The following FHIT variants were observed in gnomAD, a reference collection of about 807,000 sequenced individuals.
FHIT encodes bis(5'-adenosyl)-triphosphatase.
A neutral mutation model predicts 17.9 loss-of-function variants in FHIT; 19 were observed. That is an observed-to-expected ratio of 1.06 (90% CI 0.74 to 1.56). The LOEUF is 1.56. FHIT is among the 40% of genes most tolerant of loss of function. FHIT has a pLI of 0.00. For synonymous variants in FHIT, 81 were observed against 69.7 expected (o/e 1.16, Z -0.81); for missense variants, 248 against 189.2 (o/e 1.31, Z -1.82).
At chr3:59,793,993 C>T (rs898755026) in intron 8 of FHIT, among the ~76,000 whole-genome samples, 2 of 152,000 alleles carry the variant, frequency 1.3e-5, no homozygotes, top group South Asian at 2.1e-4. Flanking sequence ...CCATGGGACA[C>T]GGCGTGAGAA....
intron 4 of FHIT, among the ~76,000 whole-genome samples, chr3:60,596,963 A>G (rs1553666787): frequency 6.6e-6 from 1 of 152,178 alleles, no homozygotes; most frequent in African/African-American, 2.4e-5. Context: ...TATCTAGATG[A>G]CACCAAAACT....
intron 7 of FHIT, among the ~76,000 whole-genome samples, chr3:59,986,516 TA>T (rs1708915996): frequency 4.0e-5 from 1 of 24,864 alleles, no homozygotes; most frequent in African/African-American, 1.6e-4. Flanking sequence ...TATATATATA[TA>T]TATATATATA....
chr3:61,215,764 C>G (rs900391617), intron 1 of FHIT, among the ~76,000 whole-genome samples: 2 of 152,154 alleles, frequency 1.3e-5, no homozygotes, highest in African/African-American at 4.8e-5. Flanking sequence ...GCTACAGTAA[C>G]CAAAACAGCA....
intron 5 of FHIT, among the ~76,000 whole-genome samples, chr3:60,261,866 A>C (rs183624229): frequency 5.9e-5 from 9 of 152,076 alleles, no homozygotes; most frequent in African/African-American, 2.2e-4. Context: ...ACCTGGAGAA[A>C]AGGAACATCT....
intron 3 of FHIT, among the ~76,000 whole-genome samples, chr3:60,967,821 C>T (rs1709820011): frequency 6.6e-6 from 1 of 152,092 alleles, no homozygotes; most frequent in African/African-American, 2.4e-5. Context: ...ATCAGACTGG[C>T]CCACGGTATA....
chr3:60,286,577 C>A (rs1201946689), intron 5 of FHIT, among the ~76,000 whole-genome samples: 1 of 152,146 alleles, frequency 6.6e-6, no homozygotes, highest in Admixed American at 6.5e-5. Flanking sequence ...CAAGTTTAAA[C>A]ATTTTTTATC....
chr3:60,676,021 C>T (rs186513117), intron 4 of FHIT, among the ~76,000 whole-genome samples: 289 of 152,278 alleles, frequency 1.9e-3, no homozygotes, highest in Admixed American at 3.2e-3. Context: ...CTGCAACTTA[C>T]GTATATCAAT....
Position 59,747,625 on chromosome 3 carries a change from T to C in FHIT, c.*1960A>G, listed in dbSNP as rs1700679589. 6.6e-6 allele frequency among the ~76,000 whole-genome samples: 1 copy of C among 152,138 alleles called. No individual in the cohort carries two copies. The highest frequency in any genetic ancestry group is 2.4e-5 in the African/African-American group (1 of 41,434). ...AGTCTTTATTCTTATATAGGGCATC[T>C]CTGGATATAGGTGTTCACATTCTTC... On this transcript the variant is annotated 3_prime_UTR_variant, in exon 10 of 10. Coordinates refer to ENST00000492590, the MANE Select transcript of FHIT (RefSeq NM_002012.4).
rs147510071 is a variant in FHIT, at chr3:60,525,383, T to C, written c.103+11477A>G. ...TATCAACCATCTAATATACACAAGA[T>C]TCTGACTCTAAGAATTGAAGGGATC... On this transcript the variant is annotated intron_variant, in intron 5 of 9. Coordinates refer to ENST00000492590, the MANE Select transcript of FHIT (RefSeq NM_002012.4). Among the ~76,000 whole-genome samples, 692 of 152,294 alleles carry C rather than the reference T, an allele frequency of 4.5e-3. 4 individuals carry two copies. The highest frequency in any genetic ancestry group is 0.016 in the African/African-American group (665 of 41,558).
intron 3 of FHIT, among the ~76,000 whole-genome samples, chr3:60,909,369 G>GAAA (rs11382712): frequency 7.5e-5 from 9 of 120,324 alleles, no homozygotes; most frequent in South Asian, 2.8e-4. Context: ...ACTCTGTCTC[G>GAAA]AAAAAAAAAA....
intron 4 of FHIT, among the ~76,000 whole-genome samples, chr3:60,537,646 G>C (rs2036032803): frequency 6.6e-6 from 1 of 152,160 alleles, no homozygotes; most frequent in Admixed American, 6.5e-5. Flanking sequence ...TCTTCCTTTT[G>C]AGGGAAAGCC....
intron 8 of FHIT, among the ~76,000 whole-genome samples, chr3:59,885,612 T>G (rs567963783): frequency 6.6e-6 from 1 of 152,160 alleles, no homozygotes; most frequent in African/African-American, 2.4e-5. Context: ...CTTCACATCC[T>G]AACTGCATCA....
intron 5 of FHIT, among the ~76,000 whole-genome samples, chr3:60,169,616 G>A (rs1051431695): frequency 2.0e-5 from 3 of 152,174 alleles, no homozygotes; most frequent in African/African-American, 7.2e-5. Context: ...TCAAAGGTTA[G>A]AATAATCCTG....
At chr3:60,607,976 C>G (rs1172525716) in intron 4 of FHIT, among the ~76,000 whole-genome samples, 1 of 152,138 alleles carries the variant, frequency 6.6e-6, no homozygotes, top group Non-Finnish European at 1.5e-5. Context: ...GTCTTCTCCT[C>G]CCTGCTCCCA....
intron 5 of FHIT, among the ~76,000 whole-genome samples, chr3:60,352,216 G>A (rs549874991): frequency 6.6e-6 from 1 of 152,228 alleles, no homozygotes; most frequent in Admixed American, 6.5e-5. Flanking sequence ...TTAATTATGA[G>A]GCAACAATAA....
intron 3 of FHIT, among the ~76,000 whole-genome samples, chr3:60,921,453 C>T (rs1707275085): frequency 6.6e-6 from 1 of 152,014 alleles, no homozygotes; most frequent in African/African-American, 2.4e-5. Context: ...GTTCGAATGG[C>T]AATAAAATAC....
At chr3:61,058,681 C>A (rs1053263180) in intron 2 of FHIT, among the ~76,000 whole-genome samples, 1 of 152,168 alleles carries the variant, frequency 6.6e-6, no homozygotes, top group Non-Finnish European at 1.5e-5. Context: ...CCTCTACAGC[C>A]TGTGGAATGT....
At chr3:60,419,275 A>G (rs1702383326) in intron 5 of FHIT, among the ~76,000 whole-genome samples, 2 of 152,224 alleles carry the variant, frequency 1.3e-5, no homozygotes, top group Admixed American at 6.5e-5. Flanking sequence ...CACATGCCTT[A>G]GCAAGTGTCG....
chr3:61,224,417 T>C (rs1406044689), intron 1 of FHIT, among the ~76,000 whole-genome samples: 1 of 152,106 alleles, frequency 6.6e-6, no homozygotes, highest in African/African-American at 2.4e-5. Context: ...TTTTATTTTA[T>C]TTTATTTTAT....
Sources: gnomAD v4.1 joint callset for allele counts (sites outside exome capture counted in the v4.1 genomes callset) on GRCh38, gnomAD v4.1.1 for gene constraint, MANE v1.5 for transcripts, NCBI Gene and HGNC (gene_info 2026-07-23, HGNC 2026-07-21) for gene names.